The following RPH3AL variants were observed in gnomAD, a reference collection of about 807,000 sequenced individuals.
RPH3AL encodes rabphilin 3A like (without C2 domains).
In RPH3AL, 38 loss-of-function variants were observed where a neutral mutation model predicts 43.1. The ratio of observed to expected loss-of-function variants is 0.88; its 90% CI spans 0.68 to 1.15. The LOEUF (loss-of-function observed/expected upper bound fraction) is 1.15, where lower values mean the gene tolerates loss of function less well. Among genes scored for constraint, RPH3AL ranks in the 50% most tolerant of loss-of-function variants. RPH3AL has a pLI of 0.00. For missense variants in RPH3AL, 462 were observed against 423.2 expected (o/e 1.09, Z -0.81); for synonymous variants, 189 against 176.3 (o/e 1.07, Z -0.57).
At chr17:238,169 AAG>A (rs55813025) in intron 7 of RPH3AL, among the ~76,000 whole-genome samples, 1 of 148,416 alleles carries the variant, frequency 6.7e-6, no homozygotes, top group Admixed American at 6.8e-5. Flanking sequence ...AGAAGAGAGA[AAG>A]AGAGAGAGAG....
At position 253,717 on chromosome 17, in the gene RPH3AL, G is replaced by A. The variant is rs541555003; in HGVS notation, c.439-6432C>T. ...CTTCCTATGAGGGGAGCCGCACGGC[G>A]TCTGTCCTTTTCCATCCCTAGGAAC... On this transcript the variant is annotated intron_variant, in intron 6 of 9. Coordinates refer to ENST00000331302, the MANE Select transcript of RPH3AL (RefSeq NM_006987.4). 1.1e-4 allele frequency among the ~76,000 whole-genome samples: 14 copies of A among 130,216 alleles called. 1 individual carries two copies. Among genetic ancestry groups the A allele is most frequent in the East Asian group, 4.4e-4 (2 of 4,536 alleles). The allele number at this position is 130,216 out of a possible 152,430, so 85.4% of individuals were successfully genotyped here. A position where few individuals can be genotyped will look rare whatever the true frequency, so the allele number is the denominator to read the frequency against.
chr17:348,003 C>CAGA (rs1567542703), intron 1 of RPH3AL, among the ~76,000 whole-genome samples: 1 of 138,120 alleles, frequency 7.2e-6, no homozygotes, highest in African/African-American at 2.7e-5. Flanking sequence ...CCATCTCTAC[C>CAGA]AAAAAAAAAA....
In RPH3AL at chr17:321,273, C is replaced by T. The variant is rs147473081; in HGVS notation, c.220G>A (p.Gly74Arg). ...RLDVLEQQRI[G>R]RLVERLETMR... is the part of the protein sequence containing the mutation. Reference sequence around the variant, plus strand: ...GAGCTGGCCCCGGCCCCGCCTCACCCGATTCTCTGCTGCTCCAGGACGTCG... The same window carrying T: ...GAGCTGGCCCCGGCCCCGCCTCACCTGATTCTCTGCTGCTCCAGGACGTCG... The change falls in exon 4 of 10, where the codon GGG becomes AGG. Residue 74 changes from glycine (G) to arginine (R), a missense_variant and splice_region_variant. Transcript: ENST00000331302. 77 of 1,606,448 alleles carry T rather than the reference C, an allele frequency of 4.8e-5. No homozygotes were observed. The highest frequency in any genetic ancestry group is 1.6e-4 in the Middle Eastern group (1 of 6,076).
At chr17:305,526 A>G (rs1045515414) in intron 5 of RPH3AL, among the ~76,000 whole-genome samples, 2 of 152,108 alleles carry the variant, frequency 1.3e-5, no homozygotes, top group East Asian at 1.9e-4. Flanking sequence ...TTCCTCCCAC[A>G]TCGGGTGACC....
At chr17:307,219 ACGGCAGG>A (rs2043515355) in intron 5 of RPH3AL, among the ~76,000 whole-genome samples, 1 of 59,986 alleles carries the variant, frequency 1.7e-5, no homozygotes, top group African/African-American at 5.4e-5. Context: ...GGTCCATCCC[ACGGCAGG>A]TCCATCCCAC....
chr17:275,789 T>C (rs1232185633), intron 6 of RPH3AL, among the ~76,000 whole-genome samples: 1 of 152,158 alleles, frequency 6.6e-6, no homozygotes. Context: ...TCAAGCAATC[T>C]GCCCACCTTG....
intron 6 of RPH3AL, among the ~76,000 whole-genome samples, chr17:278,219 A>G (rs748964627): frequency 2.0e-5 from 3 of 152,120 alleles, no homozygotes; most frequent in Non-Finnish European, 2.9e-5. Context: ...TGATGGTTTT[A>G]TAAGAAGAAA....
intron 7 of RPH3AL, among the ~76,000 whole-genome samples, chr17:235,907 C>G (rs1278970454): frequency 4.3e-4 from 63 of 146,968 alleles, no homozygotes; most frequent in African/African-American, 1.5e-3. Flanking sequence ...ATACAGGGTT[C>G]AAAGCTGGGG....
At chr17:331,466 C>A in intron 2 of RPH3AL, 1 of 880,440 alleles carries the variant, frequency 1.1e-6, no homozygotes, top group Non-Finnish European at 1.5e-6. Context: ...CAGGCCCCGG[C>A]TCTGGGACGG....
rs2041737300 is a variant in RPH3AL at position 245,399 on chromosome 17, CAG to C, written c.613+1710_613+1711del. Among the ~76,000 whole-genome samples, 1 of 131,698 alleles carries C rather than the reference CAG, an allele frequency of 7.6e-6. No homozygotes were observed. The highest frequency in any genetic ancestry group is 2.8e-5 in the African/African-American group (1 of 35,482). 86.4% of individuals were successfully genotyped at this position (131,698 alleles called of 152,430 possible). On this transcript the variant is annotated intron_variant, in intron 7 of 9. Transcript: ENST00000331302. This position sits in a 1 kb window ranked among gnomAD's most constrained non-coding sequence, Gnocchi z 5.9. The stretch of plus-strand genomic sequence containing the variant: ...TGGATGTCAGTGTGTGTGTGGATAT[CAG>C]TGTGTGTGTGTGCATGGTGATGTGT...
chr17:326,506 C>T (rs12950435), intron 3 of RPH3AL, among the ~76,000 whole-genome samples: 45,140 of 152,054 alleles, frequency 0.3, 7,817 homozygotes, highest in Non-Finnish European at 0.41. Flanking sequence ...ATCTGAGAAC[C>T]CCCATCTCCA....
intron 5 of RPH3AL, among the ~76,000 whole-genome samples, chr17:302,354 C>A (rs2043349947): frequency 1.3e-5 from 2 of 152,234 alleles, no homozygotes; most frequent in African/African-American, 4.8e-5. Context: ...GCAGGCCAGG[C>A]AGGTCCACGG....
chr17:317,670 C>G (rs1302071617), intron 5 of RPH3AL, among the ~76,000 whole-genome samples: 1 of 152,242 alleles, frequency 6.6e-6, no homozygotes, highest in African/African-American at 2.4e-5. Flanking sequence ...TTCCTCAGCC[C>G]AGTTTTCCCT....
rs1567556101 is a variant in RPH3AL, at chr17:215,430, C to A, written c.876+224G>T. Among the ~76,000 whole-genome samples the A allele has an allele frequency of 1.3e-5, 2 of 152,222 alleles. No individual in the cohort carries two copies. Among genetic ancestry groups the A allele is most frequent in the African/African-American group, 4.8e-5 (2 of 41,464 alleles). ...AGGATGGTAACCACTGCTGTGATTA[C>A]CGAGAGTGGCTAGGGATGGCTACCA... On this transcript the variant is annotated intron_variant, in intron 9 of 9. Transcript: ENST00000331302. This position sits in a 1 kb window ranked among gnomAD's most constrained non-coding sequence, Gnocchi z 4.1.
chr17:258,872 C>T (rs1222604741), intron 6 of RPH3AL, among the ~76,000 whole-genome samples: 6 of 151,840 alleles, frequency 4.0e-5, no homozygotes, highest in Non-Finnish European at 7.4e-5. Flanking sequence ...GTGATCCTCC[C>T]ACCTCAACCT....
At chr17:248,344 T>C (rs1555541037) in intron 6 of RPH3AL, among the ~76,000 whole-genome samples, 3 of 152,144 alleles carry the variant, frequency 2.0e-5, no homozygotes, top group Non-Finnish European at 4.4e-5. Context: ...CCACCCTCTT[T>C]CCTGCCTCAG....
At chr17:233,893 C>CGAGCAGGGAGCGGCTACTTACCCTGA (rs1239570387) in intron 7 of RPH3AL, among the ~76,000 whole-genome samples, 1 of 56,720 alleles carries the variant, frequency 1.8e-5, no homozygotes, top group African/African-American at 5.3e-5. Flanking sequence ...CCAACTTTCC[C>CGAGCAGGGAGCGGCTACTTACCCTGA]CCAAGCGGGG....
chr17:299,790 G>A (rs374147590), intron 5 of RPH3AL, among the ~76,000 whole-genome samples: 1 of 152,230 alleles, frequency 6.6e-6, no homozygotes, highest in Non-Finnish European at 1.5e-5. Flanking sequence ...CAAAATTACC[G>A]CGCTTGGCAA....
intron 7 of RPH3AL, among the ~76,000 whole-genome samples, chr17:243,988 TA>T (rs1390011277): frequency 6.6e-6 from 1 of 151,024 alleles, no homozygotes. Context: ...CTCTATTGAT[TA>T]CCCTTCCTCT....
Sources: gnomAD v4.1 joint callset for allele counts (sites outside exome capture counted in the v4.1 genomes callset) on GRCh38, gnomAD v4.1.1 for gene constraint, Gnocchi (gnomAD v3.1) non-coding constraint, MANE v1.5 for transcripts, NCBI Gene and HGNC (gene_info 2026-07-23, HGNC 2026-07-21) for gene names.